CTNNA3: variants seen among roughly 807,000 people sequenced by gnomAD.
CTNNA3 encodes catenin alpha 3.
Under a neutral mutation model 95.7 loss-of-function variants are expected in CTNNA3, and 76 were observed. That is an observed-to-expected ratio of 0.79 (90% confidence interval 0.66 to 0.96). CTNNA3 has a LOEUF of 0.96. Ranked by LOEUF, CTNNA3 falls within the 40% of genes least tolerant of loss-of-function variation. CTNNA3 has a pLI of 0.00. For synonymous variants in CTNNA3, 431 were observed against 374.4 expected, an observed-to-expected ratio of 1.15 and a Z score of -1.74; for missense variants, 1,191 against 1,089.8, an observed-to-expected ratio of 1.09 and a Z score of -1.31.
intron 2 of CTNNA3, among the ~76,000 whole-genome samples, chr10:67,640,988 A>C (rs1247356284): frequency 2.0e-5 from 3 of 152,190 alleles, no homozygotes; most frequent in Non-Finnish European, 4.4e-5. Context: ...TGGCAACAAA[A>C]GCCAAAATTG....
chr10:66,146,077 C>T (rs902190529), intron 13 of CTNNA3, among the ~76,000 whole-genome samples: 24 of 152,200 alleles, frequency 1.6e-4, no homozygotes, highest in African/African-American at 5.5e-4. Flanking sequence ...TGGTCTTGAT[C>T]TCTTGACCTT....
At chr10:67,688,012 T>A (rs1446053624) in intron 1 of CTNNA3, among the ~76,000 whole-genome samples, 1 of 152,190 alleles carries the variant, frequency 6.6e-6, no homozygotes, top group African/African-American at 2.4e-5. Context: ...AGATACCAGG[T>A]ATCTCCAAAC....
intron 5 of CTNNA3, among the ~76,000 whole-genome samples, chr10:67,428,230 A>G (rs1407270101): frequency 6.6e-6 from 1 of 152,096 alleles, no homozygotes; most frequent in Non-Finnish European, 1.5e-5. Context: ...CTAGGTAAGT[A>G]TGATGAATTA....
intron 10 of CTNNA3, among the ~76,000 whole-genome samples, chr10:66,558,323 T>C (rs2132126742): frequency 6.6e-6 from 1 of 152,214 alleles, no homozygotes; most frequent in Admixed American, 6.5e-5. Context: ...TGAATAATGG[T>C]TTTAATTTAA....
intron 5 of CTNNA3, among the ~76,000 whole-genome samples, chr10:67,391,217 C>T (rs1564619891): frequency 1.3e-5 from 2 of 152,004 alleles, no homozygotes; most frequent in African/African-American, 4.8e-5. Flanking sequence ...TCTCAGGATA[C>T]AAAATCAATG....
intron 9 of CTNNA3, among the ~76,000 whole-genome samples, chr10:66,715,718 C>T (rs973176729): frequency 2.0e-5 from 3 of 151,966 alleles, no homozygotes; most frequent in African/African-American, 7.2e-5. Context: ...TAAAATGAAA[C>T]CAGCTTAATT....
chr10:67,102,503 A>G (rs1273042612), intron 7 of CTNNA3, among the ~76,000 whole-genome samples: 6 of 151,714 alleles, frequency 4.0e-5, no homozygotes, highest in Admixed American at 6.6e-5. Flanking sequence ...TTTTTATTCT[A>G]TGAAGGACAG....
At chr10:67,358,959 GA>G (rs1280101295) in intron 5 of CTNNA3, among the ~76,000 whole-genome samples, 2 of 151,960 alleles carry the variant, frequency 1.3e-5, no homozygotes, top group Non-Finnish European at 2.9e-5. Context: ...TGAAATATAA[GA>G]GACATGCATG....
chr10:66,620,683 C>T (rs77200656), intron 10 of CTNNA3, among the ~76,000 whole-genome samples: 110 of 152,264 alleles, frequency 7.2e-4, no homozygotes, highest in African/African-American at 2.5e-3. Context: ...TGGGAGATCT[C>T]AGCTGCAGGT....
At chr10:66,023,718 C>T (rs549116253) in intron 15 of CTNNA3, among the ~76,000 whole-genome samples, 11 of 152,180 alleles carry the variant, frequency 7.2e-5, no homozygotes, top group Non-Finnish European at 1.3e-4. Flanking sequence ...CTGAGTCTCA[C>T]TTCCTCACCC....
intron 9 of CTNNA3, among the ~76,000 whole-genome samples, chr10:66,680,932 A>T (rs1847046255): frequency 6.6e-6 from 1 of 152,058 alleles, no homozygotes; most frequent in South Asian, 2.1e-4. Flanking sequence ...CATTGAAGGA[A>T]TTTTTTCTTA....
chr10:66,385,970 C>A (rs1392717089), intron 11 of CTNNA3, among the ~76,000 whole-genome samples: 1 of 152,126 alleles, frequency 6.6e-6, no homozygotes, highest in Non-Finnish European at 1.5e-5. Flanking sequence ...TTATGACAAA[C>A]CCACAGCCCC....
At chr10:66,639,773 G>A (rs1163786990) in intron 9 of CTNNA3, among the ~76,000 whole-genome samples, 1 of 152,060 alleles carries the variant, frequency 6.6e-6, no homozygotes, top group Non-Finnish European at 1.5e-5. Flanking sequence ...TTCTAATACT[G>A]TGTGTCCTTT....
At chr10:66,047,944 G>T (rs1194593207) in intron 15 of CTNNA3, among the ~76,000 whole-genome samples, 4 of 151,904 alleles carry the variant, frequency 2.6e-5, no homozygotes, top group African/African-American at 9.7e-5. Context: ...TCTACAAGGA[G>T]AATTACAAAA....
intron 7 of CTNNA3, among the ~76,000 whole-genome samples, chr10:66,880,615 G>A (rs1243711912): frequency 2.0e-5 from 3 of 151,904 alleles, no homozygotes; most frequent in Non-Finnish European, 4.4e-5. Flanking sequence ...ATTTGCCAGT[G>A]ACTTAAAAAA....
intron 3 of CTNNA3, among the ~76,000 whole-genome samples, chr10:67,560,130 C>A (rs1368278752): frequency 6.6e-6 from 1 of 152,012 alleles, no homozygotes; most frequent in African/African-American, 2.4e-5. Flanking sequence ...TCAGGAAATA[C>A]AGAGAACACC....
At chr10:67,496,738 C>A (rs1158559159) in intron 5 of CTNNA3, among the ~76,000 whole-genome samples, 1 of 151,992 alleles carries the variant, frequency 6.6e-6, no homozygotes, top group Admixed American at 6.6e-5. Context: ...GAATACAGTT[C>A]AAAATGAGAT....
At chr10:67,310,650 G>A (rs1196749024) in intron 5 of CTNNA3, among the ~76,000 whole-genome samples, 1 of 152,202 alleles carries the variant, frequency 6.6e-6, no homozygotes, top group East Asian at 1.9e-4. Flanking sequence ...ATGGCAGAAG[G>A]CAAAGCAAAC....
intron 5 of CTNNA3, among the ~76,000 whole-genome samples, chr10:67,308,405 GC>G (rs1219569331): frequency 6.6e-6 from 1 of 152,102 alleles, no homozygotes; most frequent in Non-Finnish European, 1.5e-5. Context: ...ATGCTCTCTT[GC>G]CTGCCACCAT....
Sources: gnomAD v4.1 joint callset for allele counts (sites outside exome capture counted in the v4.1 genomes callset) on GRCh38, gnomAD v4.1.1 for gene constraint, MANE v1.5 for transcripts, NCBI Gene and HGNC (gene_info 2026-07-23, HGNC 2026-07-21) for gene names.